DNAJB12: variants seen among roughly 807,000 people sequenced by gnomAD.
The protein encoded by DNAJB12 is dnaJ homolog subfamily B member 12.
Under a neutral mutation model 40.6 loss-of-function variants are expected in DNAJB12, and 14 were observed. The observed-to-expected ratio is 0.34, with a 90% CI of 0.23 to 0.54. The LOEUF (loss-of-function observed/expected upper bound fraction) is 0.54, where lower values mean the gene tolerates loss of function less well. DNAJB12 is among the 20% of genes least tolerant of loss of function. DNAJB12 has a pLI of 0.92. For synonymous variants in DNAJB12, 181 were observed against 199.5 expected (o/e 0.91, Z 0.78); for missense variants, 444 against 501.7 (o/e 0.89, Z 1.10).
chr10:72,334,757 C>T (rs1164251310), intron 8 of DNAJB12, 140 bp from the exon 9 acceptor site: 15 of 1,401,610 alleles, frequency 1.1e-5, no homozygotes, highest in Non-Finnish European at 1.4e-5. Context: ...CCACTTGCGG[C>T]CTGCCCTCCT....
chr10:72,354,554 G>A (rs1456666664), intron 1 of DNAJB12, among the ~76,000 whole-genome samples: 2 of 152,190 alleles, frequency 1.3e-5, no homozygotes, highest in Admixed American at 6.5e-5. Context: ...GAAAGCTGAA[G>A]TCCCGGCCGC....
At chr10:72,334,680 G>A in intron 8 of DNAJB12, 63 bp from the exon 9 acceptor site, 1 of 1,499,220 alleles carries the variant, frequency 6.7e-7, no homozygotes. Flanking sequence ...TCTAGCTTAT[G>A]CCACACAAGT....
intron 3 of DNAJB12, among the ~76,000 whole-genome samples, chr10:72,341,959 C>T (rs1861651330): frequency 1.3e-5 from 2 of 152,246 alleles, no homozygotes; most frequent in South Asian, 4.1e-4. Context: ...CCTCTTTCCT[C>T]ATTCTCTCTT....
At position 72,335,044 on chromosome 10, in the gene DNAJB12, C is replaced by T. The variant is rs769750382; in HGVS notation, c.*31-427G>A. The stretch of plus-strand genomic sequence containing the variant: ...CCACCCCTCCTGTGCTGAGCGGCTG[C>T]GTCTGACCCTGAACTCATGACCTTC... On this transcript the variant is annotated intron_variant, in intron 8 of 8. Transcript: ENST00000444643. The surrounding 1 kb of genome is among the most constrained non-coding windows in gnomAD (Gnocchi z 4.4). 17 of 1,020,408 alleles carry T rather than the reference C, an allele frequency of 1.7e-5. No homozygotes were observed. The highest frequency in any genetic ancestry group is 9.7e-5 in the East Asian group (1 of 10,306). 63.2% of individuals were successfully genotyped at this position (1,020,408 alleles called of 1,614,324 possible).
chr10:72,351,706 C>T (rs56107687), intron 1 of DNAJB12, among the ~76,000 whole-genome samples: 11,368 of 152,268 alleles, frequency 0.075, 861 homozygotes, highest in African/African-American at 0.2. Context: ...ATTGTGCCTG[C>T]AGCAACTTTC....
At chr10:72,347,594 A>G (rs1861824204) in intron 1 of DNAJB12, among the ~76,000 whole-genome samples, 1 of 152,220 alleles carries the variant, frequency 6.6e-6, no homozygotes, top group African/African-American at 2.4e-5. Context: ...GACATTAACT[A>G]TCACCCTCGG....
intron 1 of DNAJB12, among the ~76,000 whole-genome samples, chr10:72,350,293 G>GT (rs746156804): frequency 4.0e-5 from 6 of 150,762 alleles, no homozygotes; most frequent in Non-Finnish European, 8.8e-5. Context: ...CGGCTGTTTG[G>GT]TAGGCTAAGG....
chr10:72,341,298 G>A lies in DNAJB12; in HGVS notation c.458-128C>T. 6 of 898,238 alleles carry A rather than the reference G, an allele frequency of 6.7e-6. 1 individual carries two copies. In the Admixed American group the frequency reaches 1.6e-4, roughly 24 times the overall value. 55.6% of individuals were successfully genotyped at this position (898,238 alleles called of 1,614,324 possible). A position where few individuals can be genotyped will look rare whatever the true frequency, so the allele number is the denominator to read the frequency against. Reference sequence around the variant, plus strand: ...TTAGGAAGCAGACGTCCTTGGGGTGGGCAGGAAGCTTGGCCAGTGTAAGGA... The same window carrying A: ...TTAGGAAGCAGACGTCCTTGGGGTGAGCAGGAAGCTTGGCCAGTGTAAGGA... On this transcript the variant is annotated intron_variant, in intron 3 of 8. Coordinates refer to ENST00000444643, the MANE Select transcript of DNAJB12 (RefSeq NM_017626.7).
intron 6 of DNAJB12, among the ~76,000 whole-genome samples, chr10:72,337,897 ATG>A (rs1021079635): frequency 6.6e-6 from 1 of 151,920 alleles, no homozygotes; most frequent in Non-Finnish European, 1.5e-5. Flanking sequence ...CATGTGTATT[ATG>A]TGTGTGCATG....
At chr10:72,352,856 C>CAA (rs1861967952) in intron 1 of DNAJB12, among the ~76,000 whole-genome samples, 1 of 152,180 alleles carries the variant, frequency 6.6e-6, no homozygotes, top group African/African-American at 2.4e-5. Context: ...AAACCCAAAG[C>CAA]AATAGACCGC....
At position 72,340,795 on chromosome 10, in the gene DNAJB12, C is replaced by G. The variant is rs773010191; in HGVS notation, c.717G>C (p.Gln239His). 149 of 1,613,926 alleles carry G rather than the reference C, an allele frequency of 9.2e-5. 3 individuals are homozygous for G. In the South Asian group the frequency reaches 1.5e-3, roughly 16 times the overall value. ...TGGCGCCCTCCTCACTCACATCACC[C>G]TGGTTGTCCCTGCGGTCCTGCCTTT... ...YQQRQDRRDNQGDGGLGVFVQ... is the reference protein window; with the variant it reads ...YQQRQDRRDNHGDGGLGVFVQ... Residue 239 changes from glutamine to histidine, a missense_variant, in exon 5 of 9, where the codon CAG becomes CAC. Transcript: ENST00000444643.
Position 72,340,969 on chromosome 10 carries a change from A to G in DNAJB12, c.643+16T>C. On this transcript the variant is annotated intron_variant, in intron 4 of 8. Transcript: ENST00000444643. ...ACCCCAGGGATACCTGGCTGTGGGGAGGGTGGGGAACTTACTAGAAGGGAA... is the reference window on the plus strand; with the variant it reads ...ACCCCAGGGATACCTGGCTGTGGGGGGGGTGGGGAACTTACTAGAAGGGAA... 1 of 1,611,928 alleles carries G rather than the reference A, an allele frequency of 6.2e-7. No individual in the cohort carries two copies. The highest frequency in any genetic ancestry group is 8.5e-7 in the Non-Finnish European group (1 of 1,178,946).
At chr10:72,352,630 C>T (rs1327234919) in intron 1 of DNAJB12, among the ~76,000 whole-genome samples, 1 of 152,126 alleles carries the variant, frequency 6.6e-6, no homozygotes. Context: ...AAGTCCTCAG[C>T]GTCTAACCTT....
chr10:72,354,620 TC>T, intron 1 of DNAJB12, 144 bp downstream of exon 1: 1 of 746,060 alleles, frequency 1.3e-6, no homozygotes, highest in Non-Finnish European at 2.1e-6. Flanking sequence ...AAACTACGCC[TC>T]CCAGCAGCCA....
At chr10:72,353,230 T>G (rs1426045759) in intron 1 of DNAJB12, 1 of 152,258 alleles carries the variant, frequency 6.6e-6, no homozygotes, top group Non-Finnish European at 1.5e-5. Flanking sequence ...CTTGGCTGCC[T>G]GCTCCTGAGC....
intron 1 of DNAJB12, among the ~76,000 whole-genome samples, chr10:72,352,672 C>T (rs1164523625): frequency 2.0e-5 from 3 of 152,108 alleles, no homozygotes; most frequent in African/African-American, 7.2e-5. Flanking sequence ...ACAGTTCTGT[C>T]TTGTAATATT....
chr10:72,338,735 A>C (rs542193634), intron 5 of DNAJB12, among the ~76,000 whole-genome samples: 77 of 152,012 alleles, frequency 5.1e-4, no homozygotes, highest in African/African-American at 1.8e-3. Flanking sequence ...TTGGGAGACC[A>C]ACATGAGAGG....
At chr10:72,338,126 GA>G (rs1861529913) in intron 6 of DNAJB12, 75 bp downstream of exon 6, 13 of 1,291,940 alleles carry the variant, frequency 1.0e-5, no homozygotes, top group South Asian at 9.6e-5. Context: ...ATCAGGATGG[GA>G]AAGAAGGCCC....
chr10:72,354,463 C>T (rs908492651), intron 1 of DNAJB12: 2 of 380,850 alleles, frequency 5.3e-6, no homozygotes, highest in Non-Finnish European at 9.6e-6. Context: ...AGTTCACTTC[C>T]AGGTAAGTTC....
Sources: allele counts gnomAD v4.1 joint callset (sites outside exome capture counted in the v4.1 genomes callset), GRCh38; gene constraint gnomAD v4.1.1; non-coding constraint Gnocchi (gnomAD v3.1); transcripts MANE v1.5; gene names NCBI Gene and HGNC (gene_info 2026-07-23, HGNC 2026-07-21).